Variants in FAF1 observed in about 807,000 individuals in gnomAD.
The protein encoded by FAF1 is Fas associated factor 1.
In FAF1, 25 loss-of-function variants were observed where a neutral mutation model predicts 92.5. The observed-to-expected ratio is 0.27, with a 90% CI of 0.20 to 0.38. The LOEUF is 0.38. Among genes scored for constraint, FAF1 ranks in the 10% least tolerant of loss-of-function variants. The pLI, the probability that FAF1 is intolerant of heterozygous loss-of-function variation, is 1.00. For synonymous variants in FAF1, 234 were observed against 273.2 expected (o/e 0.86, Z 1.42); for missense variants, 636 against 793.3 (o/e 0.80, Z 2.38).
intron 2 of FAF1, among the ~76,000 whole-genome samples, chr1:50,835,127 T>G (rs549153807): frequency 1.3e-5 from 2 of 152,270 alleles, no homozygotes; most frequent in African/African-American, 4.8e-5. Context: ...AGGCAAGAAC[T>G]GGATTATATG....
At chr1:50,701,893 C>T (rs964465477) in intron 7 of FAF1, among the ~76,000 whole-genome samples, 1 of 151,980 alleles carries the variant, frequency 6.6e-6, no homozygotes, top group Non-Finnish European at 1.5e-5. Context: ...ATAATAAGAA[C>T]AGTGAGATTT....
At chr1:50,457,526 A>C (rs1646368481) in intron 18 of FAF1, among the ~76,000 whole-genome samples, 2 of 152,140 alleles carry the variant, frequency 1.3e-5, no homozygotes, top group Admixed American at 6.5e-5. Context: ...CGGAGCACAG[A>C]ACTAACAATT....
At chr1:50,913,489 C>T (rs562632057) in intron 1 of FAF1, among the ~76,000 whole-genome samples, 1 of 152,230 alleles carries the variant, frequency 6.6e-6, no homozygotes, top group African/African-American at 2.4e-5. Context: ...CCATTAGAGA[C>T]CTTGCAGATT....
intron 13 of FAF1, among the ~76,000 whole-genome samples, chr1:50,551,597 C>CA (rs1359678502): frequency 2.0e-5 from 3 of 152,164 alleles, no homozygotes; most frequent in Non-Finnish European, 4.4e-5. Flanking sequence ...TGGCAGGCAG[C>CA]ATAGGCCCTT....
intron 4 of FAF1, among the ~76,000 whole-genome samples, chr1:50,749,292 C>CA (rs1659751828): frequency 6.6e-6 from 1 of 152,184 alleles, no homozygotes; most frequent in Admixed American, 6.5e-5. Flanking sequence ...CACCTTCTTA[C>CA]ACTCTTGAAA....
At chr1:50,831,257 C>T (rs1644150233) in intron 2 of FAF1, among the ~76,000 whole-genome samples, 3 of 152,148 alleles carry the variant, frequency 2.0e-5, no homozygotes, top group Non-Finnish European at 4.4e-5. Flanking sequence ...CACTTAAGAA[C>T]CTATGACTTC....
At chr1:50,920,638 T>A (rs1283710794) in intron 1 of FAF1, among the ~76,000 whole-genome samples, 4 of 152,236 alleles carry the variant, frequency 2.6e-5, no homozygotes, top group Admixed American at 2.6e-4. Flanking sequence ...GAAATCAGTA[T>A]AATTTACCAT....
chr1:50,741,853 C>T lies in FAF1; in HGVS notation c.459+2831G>A, dbSNP rs368832083. On this transcript the variant is annotated intron_variant, in intron 5 of 18. Transcript: ENST00000396153. ...AAAATCAAGAGTTCCATTTTAAACA[C>T]GTTAAGTTTGAGACACCAATAAGAT... Among the ~76,000 whole-genome samples the T allele has an allele frequency of 7.8e-4, 118 of 152,218 alleles. 1 individual carries two copies. The Middle Eastern group carries it at 0.031, about 39-fold the overall frequency.
intron 15 of FAF1, among the ~76,000 whole-genome samples, chr1:50,500,849 T>C (rs954267420): frequency 1.3e-5 from 2 of 152,158 alleles, no homozygotes; most frequent in African/African-American, 4.8e-5. Flanking sequence ...ATATTATTAC[T>C]ACAATTATAA....
At chr1:50,926,680 TC>T (rs1557592047) in intron 1 of FAF1, among the ~76,000 whole-genome samples, 1 of 152,130 alleles carries the variant, frequency 6.6e-6, no homozygotes, top group Non-Finnish European at 1.5e-5. Context: ...ATCAGTTGTA[TC>T]CCATAAGTAT....
rs984498172 is a variant in FAF1, at chr1:50,857,178, C to T, written c.114+751G>A. Among the ~76,000 whole-genome samples, 12 of 151,876 alleles carry T rather than the reference C, an allele frequency of 7.9e-5. No individual in the cohort carries two copies. The East Asian group carries it at 2.3e-3, about 29-fold the overall frequency. On this transcript the variant is annotated intron_variant, in intron 2 of 18. Coordinates refer to ENST00000396153, the MANE Select transcript of FAF1 (RefSeq NM_007051.3). ...ATTAAGTCTACATAAAGCACACAGA[C>T]ACCAAGAGTTAATTATGTAAGTCCA...
intron 4 of FAF1, among the ~76,000 whole-genome samples, chr1:50,774,334 T>C (rs1200341593): frequency 1.3e-5 from 2 of 152,306 alleles, no homozygotes; most frequent in East Asian, 3.9e-4. Context: ...GGCTGAGGCA[T>C]GTGGGGGAGG....
intron 1 of FAF1, among the ~76,000 whole-genome samples, chr1:50,889,149 C>A (rs1435891708): frequency 6.6e-6 from 1 of 152,184 alleles, no homozygotes; most frequent in Non-Finnish European, 1.5e-5. Context: ...AGTTTATTTG[C>A]GTAGAGGTGT....
At chr1:50,868,761 G>A (rs1234353543) in intron 1 of FAF1, among the ~76,000 whole-genome samples, 3 of 152,114 alleles carry the variant, frequency 2.0e-5, no homozygotes, top group Admixed American at 2.0e-4. Flanking sequence ...CATTGTGGAT[G>A]GAGAACTTTA....
intron 5 of FAF1, among the ~76,000 whole-genome samples, chr1:50,741,007 A>G (rs1046772052): frequency 4.6e-5 from 7 of 152,254 alleles, no homozygotes; most frequent in African/African-American, 1.7e-4. Flanking sequence ...ATTAAATAAA[A>G]TGGATACTTT....
At chr1:50,673,522 T>C (rs1420183571) in intron 7 of FAF1, among the ~76,000 whole-genome samples, 1 of 152,172 alleles carries the variant, frequency 6.6e-6, no homozygotes, top group Non-Finnish European at 1.5e-5. Flanking sequence ...CTCTATAGTA[T>C]GCTCATGGTG....
intron 1 of FAF1, among the ~76,000 whole-genome samples, chr1:50,922,473 A>AAG (rs1644972037): frequency 6.8e-6 from 1 of 147,586 alleles, no homozygotes; most frequent in African/African-American, 2.5e-5. Flanking sequence ...AAAAAAAAAA[A>AAG]AAAAAAAAAG....
chr1:50,539,844 T>C, intron 13 of FAF1, 116 bp from the exon 14 acceptor site: 2 of 673,054 alleles, frequency 3.0e-6, no homozygotes, highest in South Asian at 3.9e-5. Context: ...GCCTGCCTGA[T>C]ATCAATATGT....
At chr1:50,864,777 T>C (rs1448533707) in intron 1 of FAF1, among the ~76,000 whole-genome samples, 1 of 152,160 alleles carries the variant, frequency 6.6e-6, no homozygotes, top group African/African-American at 2.4e-5. Context: ...GACGTAGGCA[T>C]GGGCAAGGAC....
Sources: gnomAD v4.1 joint callset for allele counts (sites outside exome capture counted in the v4.1 genomes callset) on GRCh38, gnomAD v4.1.1 for gene constraint, MANE v1.5 for transcripts, NCBI Gene and HGNC (gene_info 2026-07-23, HGNC 2026-07-21) for gene names.